Variants in FILIP1L observed in about 807,000 individuals in gnomAD.
FILIP1L encodes the protein filamin A-interacting protein 1-like.
Under a neutral mutation model 96.6 loss-of-function variants are expected in FILIP1L, and 55 were observed. The observed-to-expected ratio is 0.57, with a 90% CI of 0.46 to 0.71. The LOEUF (loss-of-function observed/expected upper bound fraction) is 0.71, where lower values mean the gene tolerates loss of function less well. Among genes scored for constraint, FILIP1L ranks in the 30% least tolerant of loss-of-function variants. The pLI is 0.00. For synonymous variants in FILIP1L, 467 were observed against 473.9 expected (o/e 0.99, Z 0.19); for missense variants, 1,304 against 1,321.2 (o/e 0.99, Z 0.20).
chr3:100,053,420 TAACTC>T (rs1259177379), intron 1 of FILIP1L, among the ~76,000 whole-genome samples: 2 of 152,198 alleles, frequency 1.3e-5, no homozygotes, highest in East Asian at 3.9e-4. Flanking sequence ...TGTGGCAGCA[TAACTC>T]CCAAATCTGC....
At chr3:99,939,039 G>A (rs1012260459) in intron 1 of FILIP1L, among the ~76,000 whole-genome samples, 1 of 151,900 alleles carries the variant, frequency 6.6e-6, no homozygotes, top group African/African-American at 2.4e-5. Context: ...TTCCTTGTAG[G>A]GCATAGACAA....
intron 1 of FILIP1L, among the ~76,000 whole-genome samples, chr3:100,016,643 G>C (rs576184468): frequency 6.6e-6 from 1 of 152,288 alleles, no homozygotes; most frequent in South Asian, 2.1e-4. Context: ...ATATAAAATA[G>C]GAGTACACTA....
intron 4 of FILIP1L, among the ~76,000 whole-genome samples, chr3:99,923,709 G>A (rs1334914799): frequency 6.6e-6 from 1 of 152,052 alleles, no homozygotes; most frequent in Non-Finnish European, 1.5e-5. Flanking sequence ...CGTTCTTTAG[G>A]AAAGCATAAC....
intron 1 of FILIP1L, chr3:100,075,458 A>G (rs1388118983): frequency 6.6e-6 from 1 of 152,122 alleles, no homozygotes; most frequent in African/African-American, 2.4e-5. Flanking sequence ...TGTTCTTTAA[A>G]CATCTCTTGC....
chr3:99,916,437 T>TACACAC lies in FILIP1L; in HGVS notation c.605+7787_605+7792dup, dbSNP rs10529210. ...GCCAACACTTTATAATAACGGTTTA[T>TACACAC]ACACACACACACACACACACACACA... On this transcript the variant is annotated intron_variant, in intron 4 of 5. Transcript: ENST00000477258. Among the ~76,000 whole-genome samples, 1,030 of 137,170 alleles carry TACACAC rather than the reference T, an allele frequency of 7.5e-3. 12 individuals carry two copies. Among genetic ancestry groups the TACACAC allele is most frequent in the East Asian group, 0.025 (113 of 4,570 alleles). 90.0% of individuals were successfully genotyped at this position (137,170 alleles called of 152,430 possible).
intron 1 of FILIP1L, among the ~76,000 whole-genome samples, chr3:99,970,530 T>G (rs573980519): frequency 3.0e-4 from 45 of 152,384 alleles, no homozygotes; most frequent in Non-Finnish European, 1.8e-4. Context: ...TGCAGAACAC[T>G]TTCTCTACAT....
At chr3:100,013,101 T>A (rs1710210377) in intron 1 of FILIP1L, among the ~76,000 whole-genome samples, 1 of 152,146 alleles carries the variant, frequency 6.6e-6, no homozygotes, top group South Asian at 2.1e-4. Context: ...GATCTTGAAC[T>A]CCTGGGCTCA....
intron 1 of FILIP1L, among the ~76,000 whole-genome samples, chr3:100,008,398 T>C (rs966450487): frequency 6.6e-6 from 1 of 152,182 alleles, no homozygotes; most frequent in African/African-American, 2.4e-5. Flanking sequence ...TCCAAGATTT[T>C]CATATGAGTT....
intron 5 of FILIP1L, among the ~76,000 whole-genome samples, chr3:99,841,928 C>G (rs935891491): frequency 1.1e-4 from 16 of 152,062 alleles, no homozygotes; most frequent in African/African-American, 3.9e-4. Flanking sequence ...TGTGGAGATT[C>G]CTTAAAGAAC....
At chr3:100,074,242 A>G (rs1380501571) in intron 1 of FILIP1L, among the ~76,000 whole-genome samples, 1 of 152,264 alleles carries the variant, frequency 6.6e-6, no homozygotes, top group African/African-American at 2.4e-5. Flanking sequence ...CTCCAGGCAC[A>G]GACTGTGGAG....
intron 1 of FILIP1L, among the ~76,000 whole-genome samples, chr3:99,944,943 T>C (rs998656894): frequency 3.9e-5 from 6 of 152,202 alleles, no homozygotes; most frequent in South Asian, 2.1e-4. Flanking sequence ...TGAATTAAAT[T>C]CAAGCTTCTT....
chr3:100,077,552 G>A (rs1365311525), intron 1 of FILIP1L, among the ~76,000 whole-genome samples: 1 of 152,156 alleles, frequency 6.6e-6, no homozygotes, highest in African/African-American at 2.4e-5. Context: ...TCCAGGTAGA[G>A]GAATTGCAAG....
At chr3:100,036,536 T>A (rs896965545) in intron 1 of FILIP1L, among the ~76,000 whole-genome samples, 4 of 152,202 alleles carry the variant, frequency 2.6e-5, no homozygotes, top group African/African-American at 9.6e-5. Context: ...AGATACTACA[T>A]GTGTAAGAAA....
At chr3:100,031,455 C>G (rs2065020612) in intron 1 of FILIP1L, among the ~76,000 whole-genome samples, 1 of 151,926 alleles carries the variant, frequency 6.6e-6, no homozygotes, top group Non-Finnish European at 1.5e-5. Context: ...TCATGGTGAT[C>G]TAGTAAGTGA....
intron 1 of FILIP1L, among the ~76,000 whole-genome samples, chr3:99,998,607 T>C (rs180944550): frequency 7.2e-5 from 11 of 152,266 alleles, no homozygotes; most frequent in Admixed American, 4.6e-4. Context: ...CCAGCACCCA[T>C]GCTGGAGTGC....
In FILIP1L at chr3:99,896,600, A is replaced by C. The variant is rs144409821; in HGVS notation, c.605+27630T>G. 4.5e-3 allele frequency among the ~76,000 whole-genome samples: 688 copies of C among 152,290 alleles called. 7 individuals carry two copies. Among genetic ancestry groups the C allele is most frequent in the African/African-American group, 0.016 (674 of 41,550 alleles). ...ACAAAAAGAGAGGAAGTAGTTAACA[A>C]CAACTATTTTGATGGGCTAAGAACA... On this transcript the variant is annotated intron_variant, in intron 4 of 5. Coordinates refer to ENST00000477258, the MANE Select transcript of FILIP1L (RefSeq NM_001387850.1).
chr3:100,059,899 G>A (rs141906119), intron 1 of FILIP1L, among the ~76,000 whole-genome samples: 1 of 152,252 alleles, frequency 6.6e-6, no homozygotes, highest in African/African-American at 2.4e-5. Flanking sequence ...ATGTGGACTG[G>A]ATTCAACCTA....
Position 99,849,864 on chromosome 3 carries a change from T to C in FILIP1L, c.1812A>G (p.Lys604=), listed in dbSNP as rs1218236902. The C allele has an allele frequency of 6.2e-7, 1 of 1,611,144 alleles. No individual in the cohort carries two copies. The highest frequency in any genetic ancestry group is 1.7e-5 in the Admixed American group (1 of 59,534). ...SLEAIEKDFL[K]NKLNQDSGKS... is the part of the protein sequence containing the mutation. Reference sequence around the variant, plus strand: ...TCCCAGAGTCTTGATTTAATTTGTTTTTTAGGAAATCTTTCTCAATTGCTT... The same window carrying C: ...TCCCAGAGTCTTGATTTAATTTGTTCTTTAGGAAATCTTTCTCAATTGCTT... The change falls in exon 5 of 6, where the codon AAA becomes AAG. Residue 604 remains lysine, a synonymous_variant. Transcript: ENST00000477258.
At chr3:100,079,259 C>T (rs532914866) in intron 1 of FILIP1L, among the ~76,000 whole-genome samples, 17 of 152,272 alleles carry the variant, frequency 1.1e-4, no homozygotes, top group African/African-American at 3.9e-4. Flanking sequence ...GAGTTACTAT[C>T]GATGCTTTCT....
Sources: allele counts gnomAD v4.1 joint callset (sites outside exome capture counted in the v4.1 genomes callset), GRCh38; gene constraint gnomAD v4.1.1; transcripts MANE v1.5; gene names NCBI Gene and HGNC (gene_info 2026-07-23, HGNC 2026-07-21).